The following MYO19 variants were observed in gnomAD, a reference collection of about 807,000 sequenced individuals.
The protein encoded by MYO19 is myosin XIX, also known as unconventional myosin-XIX.
A neutral mutation model predicts 129.2 loss-of-function variants in MYO19; 132 were observed. The ratio of observed to expected loss-of-function variants is 1.02; its 90% CI spans 0.89 to 1.18. The LOEUF is 1.18. Among genes scored for constraint, MYO19 ranks in the 50% most tolerant of loss-of-function variants. MYO19 has a pLI of 0.00. For missense variants in MYO19, 1,210 were observed against 1,216.7 expected (o/e 0.99, Z 0.08); for synonymous variants, 531 against 477.2 (o/e 1.11, Z -1.47).
At chr17:36,497,889 G>A in intron 25 of MYO19, 1 of 213,828 alleles carries the variant, frequency 4.7e-6, no homozygotes. Flanking sequence ...CAGGCCCTAA[G>A]CTAAACTTTC....
chr17:36,513,721 C>T lies in MYO19; in HGVS notation c.725G>A (p.Cys242Tyr), dbSNP rs1446387092. The change falls in exon 10 of 26, where the codon TGC (cysteine) becomes TAC (tyrosine). Residue 242 changes from cysteine (C) to tyrosine (Y), a missense_variant. Coordinates refer to ENST00000614623, the MANE Select transcript of MYO19 (RefSeq NM_001163735.2). ...ERNFHIFYQI[C>Y]KGASEDERLQ... is the part of the protein sequence containing the mutation. Reference sequence around the variant, plus strand: ...CCTCTCGTCCTCACTGGCTCCTTTGCAAATCTGTGGAGAAGGGTAGGTGGG... The same window carrying T: ...CCTCTCGTCCTCACTGGCTCCTTTGTAAATCTGTGGAGAAGGGTAGGTGGG... 3 of 1,613,106 alleles carry T rather than the reference C, an allele frequency of 1.9e-6. No homozygotes were observed. Among genetic ancestry groups the T allele is most frequent in the South Asian group, 1.1e-5 (1 of 90,990 alleles).
At position 36,514,494 on chromosome 17, in the gene MYO19, T is replaced by C; in HGVS notation, c.672A>G (p.Arg224=). The part of the protein sequence containing the change: ...AVQTYLLEKT[R]VACQASSERN... ...TCTCACTGGAAGCCTGGCAGGCCAC[T>C]CGAGTTTTCTCTAGGAGGTAGGTCT... The change falls in exon 9 of 26, where the codon CGA becomes CGG. Residue 224 remains arginine, a synonymous_variant. Coordinates refer to ENST00000614623, the MANE Select transcript of MYO19 (RefSeq NM_001163735.2). 6.2e-7 allele frequency: 1 copy of C among 1,613,752 alleles called. No individual in the cohort carries two copies. Among genetic ancestry groups the C allele is most frequent in the Non-Finnish European group, 8.5e-7 (1 of 1,179,664 alleles).
At chr17:36,512,555 C>T (rs1279285278) in intron 11 of MYO19, 1 of 1,168,916 alleles carries the variant, frequency 8.6e-7, no homozygotes, top group Non-Finnish European at 1.1e-6. Context: ...AGGGCTGTGG[C>T]AGAGGGTCAT....
chr17:36,527,756 C>G, intron 4 of MYO19, 57 bp from the exon 5 acceptor site: 1 of 1,547,380 alleles, frequency 6.5e-7, no homozygotes. Context: ...ACCACACACA[C>G]AGACACACAT....
At chr17:36,496,878 A>G (rs1257456494) in intron 25 of MYO19, among the ~76,000 whole-genome samples, 1 of 152,148 alleles carries the variant, frequency 6.6e-6, no homozygotes. Flanking sequence ...ATGGGGCAGA[A>G]CCAGGATCCA....
At chr17:36,522,481 A>G (rs1261932831) in intron 6 of MYO19, among the ~76,000 whole-genome samples, 2 of 152,078 alleles carry the variant, frequency 1.3e-5, no homozygotes, top group Non-Finnish European at 2.9e-5. Flanking sequence ...CCTGCACTCC[A>G]GCCTAGGCGA....
At chr17:36,538,507 T>G (rs767565646), upstream of MYO19, 1 of 1,613,880 alleles carries the variant, frequency 6.2e-7, no homozygotes, top group Admixed American at 1.7e-5. Flanking sequence ...GTAGATACAT[T>G]ACACAGCAGT....
At chr17:36,502,657 A>T (rs928226512) in intron 21 of MYO19, among the ~76,000 whole-genome samples, 18 of 152,166 alleles carry the variant, frequency 1.2e-4, no homozygotes, top group African/African-American at 4.1e-4. Context: ...TAAAGTCCAG[A>T]TTCCTTGATG....
At chr17:36,507,750 A>C (rs1026000647) in intron 15 of MYO19, 53 bp downstream of exon 15, 37 of 1,528,848 alleles carry the variant, frequency 2.4e-5, no homozygotes, top group Middle Eastern at 4.1e-4. Context: ...AAGGTCAGGA[A>C]GGGATTGAGG....
chr17:36,518,367 C>T (rs1351972338), intron 6 of MYO19, among the ~76,000 whole-genome samples: 1 of 150,212 alleles, frequency 6.7e-6, no homozygotes, highest in Non-Finnish European at 1.5e-5. Context: ...TGGTGGCATG[C>T]ACCTGTAATC....
At chr17:36,536,080 T>C (rs1291245709), upstream of MYO19, among the ~76,000 whole-genome samples, 1 of 152,206 alleles carries the variant, frequency 6.6e-6, no homozygotes, top group Non-Finnish European at 1.5e-5. Flanking sequence ...TCTTCCAGTA[T>C]GCCGTTTTTC....
Position 36,496,159 on chromosome 17 carries a change from T to A in MYO19, c.*92A>T. On this transcript the variant is annotated 3_prime_UTR_variant, in exon 26 of 26. Coordinates refer to ENST00000614623, the MANE Select transcript of MYO19 (RefSeq NM_001163735.2). ...TGTTGTTCATGTGCATTTGGAGCAC[T>A]GTGGGAATAGTCTGGCAGCTGTGTG... 1 of 1,506,564 alleles carries A rather than the reference T, an allele frequency of 6.6e-7. No homozygotes were observed. The highest frequency in any genetic ancestry group is 9.1e-7 in the Non-Finnish European group (1 of 1,099,190). The allele number at this position is 1,506,564 out of a possible 1,614,324, so 93.3% of individuals were successfully genotyped here. A position where few individuals can be genotyped will look rare whatever the true frequency, so the allele number is the denominator to read the frequency against.
intron 23 of MYO19, 32 bp from the exon 24 acceptor site, chr17:36,499,192 T>C (rs1689549597): frequency 6.5e-7 from 1 of 1,548,116 alleles, no homozygotes; most frequent in African/African-American, 1.4e-5. Context: ...AGGAAAGAGA[T>C]AATAAAGGGG....
chr17:36,498,846 G>A (rs555964836), intron 24 of MYO19: 50 of 592,190 alleles, frequency 8.4e-5, no homozygotes, highest in African/African-American at 7.8e-4. Context: ...ACATCCCAGA[G>A]TTTGGTATAT....
chr17:36,500,407 C>T (rs570936433), intron 23 of MYO19: 1 of 169,330 alleles, frequency 5.9e-6, no homozygotes, highest in South Asian at 1.8e-4. Context: ...AATAAGACCA[C>T]TATGAACATG....
intron 12 of MYO19, 65 bp downstream of exon 12, chr17:36,511,300 C>T (rs978694429): frequency 5.3e-6 from 8 of 1,513,486 alleles, no homozygotes; most frequent in African/African-American, 1.4e-5. Flanking sequence ...AGCCTTCCAC[C>T]CAACCCCAGC....
chr17:36,527,807 T>A (rs2073573707), intron 4 of MYO19, 108 bp from the exon 5 acceptor site: 1 of 1,254,424 alleles, frequency 8.0e-7, no homozygotes, highest in African/African-American at 1.5e-5. Context: ...TAGCCAAGAA[T>A]CATTAAATCC....
Position 36,505,415 on chromosome 17 carries a change from G to A in MYO19, c.1798-11C>T. 1 of 1,611,272 alleles carries A rather than the reference G, an allele frequency of 6.2e-7. No homozygotes were observed. The highest frequency in any genetic ancestry group is 2.2e-5 in the East Asian group (1 of 44,864). On this transcript the variant is annotated splice_polypyrimidine_tract_variant and intron_variant, in intron 18 of 25. Transcript: ENST00000614623. Reference sequence around the variant, plus strand: ...CTGCTCCAGTGAGGCCTGCAGATGAGAGACCATGGGGTTAGGCAGGGAGAG... The same window carrying A: ...CTGCTCCAGTGAGGCCTGCAGATGAAAGACCATGGGGTTAGGCAGGGAGAG...
chr17:36,532,625 T>A lies in MYO19; in HGVS notation c.-87A>T, dbSNP rs1186687879. ...CTAGTCATGGGACCATGGGCTGGGG[T>A]ATGGTTCCAACAAAGGGCTCAGTTC... is the stretch of plus-strand genomic sequence containing the variant. On this transcript the variant is annotated 5_prime_UTR_variant, in exon 3 of 26. Transcript: ENST00000614623. 7 of 1,483,794 alleles carry A rather than the reference T, an allele frequency of 4.7e-6. No individual in the cohort carries two copies. Among genetic ancestry groups the A allele is most frequent in the African/African-American group, 2.8e-5 (2 of 71,644 alleles). 91.9% of individuals were successfully genotyped at this position (1,483,794 alleles called of 1,614,324 possible). A position where few individuals can be genotyped will look rare whatever the true frequency, so the allele number is the denominator to read the frequency against.
Sources: allele counts gnomAD v4.1 joint callset (sites outside exome capture counted in the v4.1 genomes callset), GRCh38; gene constraint gnomAD v4.1.1; transcripts MANE v1.5; gene names NCBI Gene and HGNC (gene_info 2026-07-23, HGNC 2026-07-21).